The following INSR variants were observed in gnomAD, a reference collection of about 807,000 sequenced individuals.
INSR encodes insulin receptor.
In INSR, 67 loss-of-function variants were observed where a neutral mutation model predicts 142.6. The ratio of observed to expected loss-of-function variants is 0.47; its 90% confidence interval spans 0.39 to 0.58. The LOEUF is 0.58. Among genes scored for constraint, INSR ranks in the 20% least tolerant of loss-of-function variants. The probability of loss-of-function intolerance (pLI) is 0.00; values close to 1 mark genes in which losing one functional copy is unlikely to be tolerated. For synonymous variants in INSR, 756 were observed against 743.1 expected, an observed-to-expected ratio of 1.02 and a Z score of -0.28; for missense variants, 1,248 against 1,833.2, an observed-to-expected ratio of 0.68 and a Z score of 5.83.
intron 1 of INSR, among the ~76,000 whole-genome samples, chr19:7,292,092 CT>C (rs74826915): frequency 4.0e-5 from 6 of 150,078 alleles, no homozygotes; most frequent in Non-Finnish European, 8.9e-5. Context: ...CACGCCCCGC[CT>C]TTTTTTTTAT....
intron 15 of INSR, among the ~76,000 whole-genome samples, chr19:7,127,597 G>A (rs1299239004): frequency 3.3e-5 from 5 of 151,982 alleles, no homozygotes; most frequent in Admixed American, 1.3e-4. Flanking sequence ...TTCTAACACT[G>A]CACTCAGTAA....
intron 2 of INSR, among the ~76,000 whole-genome samples, chr19:7,265,092 C>T (rs562175225): frequency 6.6e-6 from 1 of 152,194 alleles, no homozygotes; most frequent in Non-Finnish European, 1.5e-5. Context: ...TTCTTCCCAC[C>T]TCCATCGCAT....
Position 7,163,170 on chromosome 19 carries a change from C to T in INSR, c.1891G>A (p.Val631Met), listed in dbSNP as rs1220855203. 1 of 1,613,706 alleles carries T rather than the reference C, an allele frequency of 6.2e-7. No homozygotes were observed. Among genetic ancestry groups the T allele is most frequent in the Admixed American group, 1.7e-5 (1 of 59,976 alleles). Residue 631 changes from valine (V) to methionine (M), a missense_variant, in exon 9 of 22, where the codon GTG (valine) becomes ATG (methionine). Around this residue, in one of 3 missense-constraint regions of INSR, gnomAD observed 1,069 missense variants for 1,654.0 expected, o/e 0.65. Coordinates refer to ENST00000302850, the MANE Select transcript of INSR (RefSeq NM_000208.4). Reference sequence around the variant, plus strand: ...ATAATCTGGGATGATGAGTTAGACACTGAGATTGGATCCAGGGGCACAGAG... The same window carrying T: ...ATAATCTGGGATGATGAGTTAGACATTGAGATTGGATCCAGGGGCACAGAG... ...NPSVPLDPIS[V>M]SNSSSQIILK...
chr19:7,240,359 G>GTT (rs1976302042), intron 2 of INSR, among the ~76,000 whole-genome samples: 1 of 152,120 alleles, frequency 6.6e-6, no homozygotes, highest in Non-Finnish European at 1.5e-5. Flanking sequence ...GAGGCAGGTG[G>GTT]ATTACCTGAA....
At chr19:7,197,684 AGT>A (rs559095741) in intron 2 of INSR, among the ~76,000 whole-genome samples, 4 of 92,308 alleles carry the variant, frequency 4.3e-5, no homozygotes, top group African/African-American at 4.7e-5. Flanking sequence ...CCAGAGTGGG[AGT>A]GTGTGTGTGT....
chr19:7,135,936 G>A (rs559760215), intron 13 of INSR, among the ~76,000 whole-genome samples: 25 of 148,198 alleles, frequency 1.7e-4, no homozygotes, highest in South Asian at 6.3e-4. Context: ...CCAATGCACC[G>A]TAGCCTGGGC....
intron 1 of INSR, among the ~76,000 whole-genome samples, chr19:7,284,065 T>A (rs948134939): frequency 7.0e-6 from 1 of 142,906 alleles, no homozygotes; most frequent in Non-Finnish European, 1.5e-5. Flanking sequence ...AGTTTTTTTG[T>A]TTTTTTGGGT....
At chr19:7,136,591 G>A (rs1253764466) in intron 13 of INSR, among the ~76,000 whole-genome samples, 1 of 151,636 alleles carries the variant, frequency 6.6e-6, no homozygotes, top group Non-Finnish European at 1.5e-5. Context: ...TTCCCATCAC[G>A]AATCCCCAAC....
intron 15 of INSR, among the ~76,000 whole-genome samples, chr19:7,127,112 G>A (rs1474349161): frequency 6.6e-6 from 1 of 152,120 alleles, no homozygotes; most frequent in Non-Finnish European, 1.5e-5. Context: ...TGCCCAGGCT[G>A]GTCTTGAACT....
At chr19:7,191,095 G>A (rs889181861) in intron 2 of INSR, among the ~76,000 whole-genome samples, 1 of 151,948 alleles carries the variant, frequency 6.6e-6, no homozygotes, top group African/African-American at 2.4e-5. Flanking sequence ...TCAGGAGTTC[G>A]AGACCAGCCT....
At chr19:7,121,278 G>A (rs1422628202) in intron 19 of INSR, among the ~76,000 whole-genome samples, 1 of 151,370 alleles carries the variant, frequency 6.6e-6, no homozygotes, top group Non-Finnish European at 1.5e-5. Context: ...GGATTACAGG[G>A]GTGAGCCACC....
In INSR at chr19:7,155,248, C is replaced by T. The variant is rs80259415; in HGVS notation, c.2030-2321G>A. ...GGAATTTTCTTGGCACATTAAAAAA[C>T]GTCTGGCCAGGCGTGGTGGCCCTCT... On this transcript the variant is annotated intron_variant, in intron 9 of 21. Coordinates refer to ENST00000302850, the MANE Select transcript of INSR (RefSeq NM_000208.4). Among the ~76,000 whole-genome samples the T allele has an allele frequency of 0.018, 2,699 of 151,846 alleles. 157 individuals are homozygous for T. The East Asian group carries it at 0.23, about 13-fold the overall frequency.
At chr19:7,266,287 A>G (rs1442446051) in intron 2 of INSR, among the ~76,000 whole-genome samples, 1 of 152,148 alleles carries the variant, frequency 6.6e-6, no homozygotes, top group African/African-American at 2.4e-5. Context: ...TGACCCAGAA[A>G]TTGCACTTCT....
intron 2 of INSR, among the ~76,000 whole-genome samples, chr19:7,207,198 C>T (rs758090543): frequency 4.0e-5 from 6 of 151,242 alleles, no homozygotes; most frequent in Non-Finnish European, 7.4e-5. Flanking sequence ...AGCAGATCAC[C>T]TGAGGTCGGG....
At position 7,219,380 on chromosome 19, in the gene INSR, G is replaced by A. The variant is rs1273000428; in HGVS notation, c.653-34743C>T. ...CTCTTTGGGCTTCACATGTTGCTCT[G>A]ATTGTCATGCCTTGGATTAGCAAGA... On this transcript the variant is annotated intron_variant, in intron 2 of 21. Transcript: ENST00000302850. Among the ~76,000 whole-genome samples the A allele has an allele frequency of 7.3e-5, 11 of 150,742 alleles. No individual in the cohort carries two copies. The South Asian group carries it at 2.1e-3, about 29-fold the overall frequency.
At chr19:7,257,665 GAAGGAAGGAAGA>G (rs1261712423) in intron 2 of INSR, among the ~76,000 whole-genome samples, 1 of 151,288 alleles carries the variant, frequency 6.6e-6, no homozygotes, top group African/African-American at 2.4e-5. Flanking sequence ...AAAAAGTAAG[GAAGGAAGGAAGA>G]AAGGAAGGAG....
intron 1 of INSR, among the ~76,000 whole-genome samples, chr19:7,282,343 C>T (rs1447365464): frequency 6.6e-6 from 1 of 151,022 alleles, no homozygotes; most frequent in Non-Finnish European, 1.5e-5. Flanking sequence ...CCAGCCTGGG[C>T]AACAGAGTGC....
intron 9 of INSR, among the ~76,000 whole-genome samples, chr19:7,153,455 C>T (rs1252422005): frequency 2.7e-5 from 4 of 148,914 alleles, no homozygotes; most frequent in Admixed American, 6.7e-5. Context: ...CCACCACACC[C>T]ACGCCACACA....
At chr19:7,239,562 C>A (rs1448472982) in intron 2 of INSR, among the ~76,000 whole-genome samples, 1 of 152,056 alleles carries the variant, frequency 6.6e-6, no homozygotes, top group Non-Finnish European at 1.5e-5. Flanking sequence ...TAAAAATGCA[C>A]ATACTCCATT....
Sources: allele counts gnomAD v4.1 joint callset (sites outside exome capture counted in the v4.1 genomes callset), GRCh38; gene constraint gnomAD v4.1.1; regional missense constraint gnomAD v4.1.1; transcripts MANE v1.5; gene names NCBI Gene and HGNC (gene_info 2026-07-23, HGNC 2026-07-21).